ANKRD11: variants seen among roughly 807,000 people sequenced by gnomAD.
ANKRD11 encodes the protein ankyrin repeat domain 11.
ANKRD11 carries 17 observed loss-of-function variants against 195.7 expected under a neutral mutation model. The observed-to-expected ratio is 0.09, with a 90% confidence interval of 0.06 to 0.13. The LOEUF is 0.13. ANKRD11 is among the 10% of genes least tolerant of loss of function. The pLI is 1.00. For synonymous variants in ANKRD11, 1,953 were observed against 1,528.1 expected, an observed-to-expected ratio of 1.28 and a Z score of -6.49; for missense variants, 3,735 against 3,566.1, an observed-to-expected ratio of 1.05 and a Z score of -1.21.
chr16:89,370,304 G>A lies in ANKRD11; in HGVS notation c.-60+47980C>T, dbSNP rs117254086. Reference sequence around the variant, plus strand: ...AACTATGTGGCAGCTCTGAGGATGAGAAGATGTTTCTGGAAGGAGCTGTGA... The same window carrying A: ...AACTATGTGGCAGCTCTGAGGATGAAAAGATGTTTCTGGAAGGAGCTGTGA... On this transcript the variant is annotated intron_variant, in intron 2 of 12. Transcript: ENST00000301030. Among the ~76,000 whole-genome samples the A allele has an allele frequency of 8.6e-3, 1,316 of 152,312 alleles. 9 individuals are homozygous for A. The highest frequency in any genetic ancestry group is 0.015 in the Non-Finnish European group (988 of 68,018).
At chr16:89,374,063 G>A (rs1347242407) in intron 2 of ANKRD11, among the ~76,000 whole-genome samples, 2 of 152,226 alleles carry the variant, frequency 1.3e-5, no homozygotes, top group Non-Finnish European at 1.5e-5. Context: ...GCAAGTGTGA[G>A]GCCCGCAGAG....
At chr16:89,487,628 G>T (rs1305955176) in intron 1 of ANKRD11, among the ~76,000 whole-genome samples, 2 of 152,072 alleles carry the variant, frequency 1.3e-5, no homozygotes, top group Non-Finnish European at 2.9e-5. Context: ...ACAAAAATTA[G>T]CCAGGCGTGG....
chr16:89,342,380 A>C (rs1049283608), intron 2 of ANKRD11, among the ~76,000 whole-genome samples: 1 of 152,196 alleles, frequency 6.6e-6, no homozygotes, highest in African/African-American at 2.4e-5. Context: ...CTCCCCAGAG[A>C]TGTTGAGGCC....
In ANKRD11 at chr16:89,279,622, G is replaced by C. The variant is rs1277197697; in HGVS notation, c.6920C>G (p.Pro2307Arg). The C allele has an allele frequency of 6.3e-6, 9 of 1,438,730 alleles. No homozygotes were observed. In the East Asian group the frequency reaches 2.2e-4, roughly 36 times the overall value. 89.1% of individuals were successfully genotyped at this position (1,438,730 alleles called of 1,614,324 possible). A position where few individuals can be genotyped will look rare whatever the true frequency, so the allele number is the denominator to read the frequency against. ...SRAAAPAEGP[P>R]GGIQPEAAEP... ...TGCGGCTTCCGGCTGGATGCCGCCA[G>C]GAGGGCCTTCGGCTGGGGCGGCGGC... Residue 2307 changes from proline (P) to arginine (R), a missense_variant, in exon 9 of 13, where the codon CCT (proline) becomes CGT (arginine). By Grantham distance (103) the Pro-to-Arg change is moderately radical. Transcript: ENST00000301030. This position sits in a 1 kb window ranked among gnomAD's most constrained non-coding sequence, Gnocchi z 5.6.
intron 4 of ANKRD11, chr16:89,300,786 C>A (rs1339937200): frequency 1.5e-6 from 1 of 684,800 alleles, no homozygotes; most frequent in Admixed American, 2.1e-5. Context: ...AGAGAGCACA[C>A]CCCAGGCACC....
chr16:89,289,572 C>T (rs2034887840), intron 6 of ANKRD11, among the ~76,000 whole-genome samples: 1 of 152,232 alleles, frequency 6.6e-6, no homozygotes, highest in South Asian at 2.1e-4. Context: ...CAGGACCCAG[C>T]CCTGTGAAGT....
intron 1 of ANKRD11, among the ~76,000 whole-genome samples, chr16:89,485,796 G>T (rs1033996711): frequency 6.6e-6 from 1 of 152,102 alleles, no homozygotes; most frequent in Non-Finnish European, 1.5e-5. Context: ...TCATTAAAAT[G>T]CTAAAACTTT....
intron 4 of ANKRD11, among the ~76,000 whole-genome samples, chr16:89,294,879 C>T (rs1166223284): frequency 6.6e-6 from 1 of 152,236 alleles, no homozygotes; most frequent in Non-Finnish European, 1.5e-5. Context: ...GCCCTCCACA[C>T]AGTGCAGAGC....
chr16:89,282,506 C>T lies in ANKRD11; in HGVS notation c.4036G>A (p.Glu1346Lys). 6.2e-7 allele frequency: 1 copy of T among 1,614,122 alleles called. No homozygotes were observed. Among genetic ancestry groups the T allele is most frequent in the South Asian group, 1.1e-5 (1 of 91,072 alleles). Residue 1346 changes from glutamate (E) to lysine (K), a missense_variant, in exon 9 of 13, where the codon GAG becomes AAG. Physicochemically the swap from Glu to Lys is moderately conservative, Grantham distance 56 (BLOSUM62 1). Coordinates refer to ENST00000301030, the MANE Select transcript of ANKRD11 (RefSeq NM_013275.6). ...ESACLPEKLK[E>K]KERHRHSSSS... ...GAGGAGTGTCTGTGCCTCTCCTTCT[C>T]TTTCAGCTTCTCAGGGAGGCAGGCG...
Position 89,350,979 on chromosome 16 carries a change from T to C in ANKRD11, c.-59-33901A>G, listed in dbSNP as rs944681506. ...TAGGTGTGTGGGAGGCTCTGCCTTCTGGATCTGGGTACGCACACTCTGTGA... is the reference window on the plus strand; with the variant it reads ...TAGGTGTGTGGGAGGCTCTGCCTTCCGGATCTGGGTACGCACACTCTGTGA... On this transcript the variant is annotated intron_variant, in intron 2 of 12. Coordinates refer to ENST00000301030, the MANE Select transcript of ANKRD11 (RefSeq NM_013275.6). Among the ~76,000 whole-genome samples the C allele has an allele frequency of 2.0e-5, 3 of 152,338 alleles. No individual in the cohort carries two copies. The East Asian group carries it at 5.8e-4, about 29-fold the overall frequency.
At chr16:89,375,738 G>A (rs1451703469) in intron 2 of ANKRD11, among the ~76,000 whole-genome samples, 1 of 138,262 alleles carries the variant, frequency 7.2e-6, no homozygotes, top group African/African-American at 2.7e-5. Context: ...TTACAAGCAT[G>A]AGCCACTGCA....
intron 1 of ANKRD11, among the ~76,000 whole-genome samples, chr16:89,440,292 G>T (rs1206232369): frequency 6.6e-6 from 1 of 152,138 alleles, no homozygotes; most frequent in Non-Finnish European, 1.5e-5. Context: ...AATAACAGTG[G>T]AACTAGGAAA....
In ANKRD11 at chr16:89,323,262, C is replaced by T. The variant is rs1339783570; in HGVS notation, c.-59-6184G>A. On this transcript the variant is annotated intron_variant, in intron 2 of 12. Transcript: ENST00000301030. ...GGAGAAAAGGAAAAAGAGCTGCATA[C>T]CTGGCAGGCCTACTGTGTGCAAAGC... 4 of 1,276,024 alleles carry T rather than the reference C, an allele frequency of 3.1e-6. No homozygotes were observed. In the South Asian group the frequency reaches 5.0e-5, roughly 16 times the overall value. The allele number at this position is 1,276,024 out of a possible 1,614,324, so 79.0% of individuals were successfully genotyped here. A position where few individuals can be genotyped will look rare whatever the true frequency, so the allele number is the denominator to read the frequency against.
chr16:89,290,883 C>T (rs1332114436), intron 5 of ANKRD11, 55 bp from the exon 6 acceptor site: 5 of 1,610,654 alleles, frequency 3.1e-6, no homozygotes, highest in Non-Finnish European at 4.2e-6. Flanking sequence ...CCTGCTTTGT[C>T]CAATCTTCAA....
chr16:89,320,701 G>A (rs1477898300), intron 2 of ANKRD11, among the ~76,000 whole-genome samples: 1 of 152,234 alleles, frequency 6.6e-6, no homozygotes, highest in Non-Finnish European at 1.5e-5. Context: ...CAGGGAACTT[G>A]CCCATTACCT....
In ANKRD11 at chr16:89,279,987, C is replaced by T; in HGVS notation, c.6555G>A (p.Glu2185=). ...NGGDVSTVVA[E]EPPALPPDQA... ...GGTCAGGAGGCAGTGCCGGCGGCTC[C>T]TCAGCCACTACGGTGGAAACATCCC... The change falls in exon 9 of 13, where the codon GAG becomes GAA. Residue 2185 remains glutamate (E), a synonymous_variant. Coordinates refer to ENST00000301030, the MANE Select transcript of ANKRD11 (RefSeq NM_013275.6). The surrounding 1 kb of genome is among the most constrained non-coding windows in gnomAD (Gnocchi z 5.6). 2 of 1,611,772 alleles carry T rather than the reference C, an allele frequency of 1.2e-6. No homozygotes were observed. Among genetic ancestry groups the T allele is most frequent in the Non-Finnish European group, 1.7e-6 (2 of 1,179,922 alleles).
Position 89,270,455 on chromosome 16 carries a change from C to G in ANKRD11, c.7806+362G>C, listed in dbSNP as rs183966641. 1,139 of 378,466 alleles carry G rather than the reference C, an allele frequency of 3.0e-3. 16 individuals are homozygous for G. Among genetic ancestry groups the G allele is most frequent in the African/African-American group, 0.022 (1,071 of 47,914 alleles). 23.4% of individuals were successfully genotyped at this position (378,466 alleles called of 1,614,324 possible). ...GCCCTTCCCGGCACCTCCCCCGCCC[C>G]TGCCCACCGCCCTGGCCAGCACTTC... On this transcript the variant is annotated intron_variant, in intron 12 of 12. Coordinates refer to ENST00000301030, the MANE Select transcript of ANKRD11 (RefSeq NM_013275.6).
intron 2 of ANKRD11, among the ~76,000 whole-genome samples, chr16:89,374,186 T>C (rs1002334594): frequency 2.6e-5 from 4 of 152,214 alleles, no homozygotes; most frequent in Non-Finnish European, 5.9e-5. Flanking sequence ...GCAATTCTTT[T>C]TAAAAACATT....
intron 2 of ANKRD11, among the ~76,000 whole-genome samples, chr16:89,388,914 G>T (rs970056067): frequency 6.6e-6 from 1 of 152,164 alleles, no homozygotes; most frequent in African/African-American, 2.4e-5. Flanking sequence ...AGGTTCCAAG[G>T]AACTATGTGG....
Sources: allele counts gnomAD v4.1 joint callset (sites outside exome capture counted in the v4.1 genomes callset), GRCh38; gene constraint gnomAD v4.1.1; non-coding constraint Gnocchi (gnomAD v3.1); transcripts MANE v1.5; gene names NCBI Gene and HGNC (gene_info 2026-07-23, HGNC 2026-07-21).